EPSTI1: variants seen among roughly 807,000 people sequenced by gnomAD.
EPSTI1 encodes the protein epithelial-stromal interaction protein 1.
In EPSTI1, 66 loss-of-function variants were observed where a neutral mutation model predicts 49.9. The observed-to-expected ratio is 1.32, with a 90% CI of 1.08 to 1.62. The LOEUF (loss-of-function observed/expected upper bound fraction) is 1.62. EPSTI1 is among the 40% of genes most tolerant of loss of function. The probability of loss-of-function intolerance (pLI) is 0.00; values close to 1 mark genes in which losing one functional copy is unlikely to be tolerated. For synonymous variants in EPSTI1, 137 were observed against 130.7 expected, an observed-to-expected ratio of 1.05 and a Z score of -0.33; for missense variants, 394 against 365.5, an observed-to-expected ratio of 1.08 and a Z score of -0.64.
chr13:42,898,100 G>T (rs1373212888), intron 9 of EPSTI1, among the ~76,000 whole-genome samples: 1 of 152,136 alleles, frequency 6.6e-6, no homozygotes, highest in East Asian at 1.9e-4. Flanking sequence ...CAACGGGTTA[G>T]GTGCAGGTGC....
intron 6 of EPSTI1, among the ~76,000 whole-genome samples, chr13:42,942,977 C>T (rs9533312): frequency 0.35 from 53,092 of 151,970 alleles, 9,883 homozygotes; most frequent in African/African-American, 0.45. Context: ...CGTGAGCCAC[C>T]GCGCCCAGCC....
intron 1 of EPSTI1, among the ~76,000 whole-genome samples, chr13:42,985,460 T>C (rs925307069): frequency 6.6e-6 from 1 of 152,220 alleles, no homozygotes; most frequent in Non-Finnish European, 1.5e-5. Context: ...TTATGAGGCA[T>C]ATGTGCATGA....
At chr13:42,917,485 A>T (rs2037862577) in intron 8 of EPSTI1, 56 bp downstream of exon 8, 2 of 1,411,324 alleles carry the variant, frequency 1.4e-6, no homozygotes, top group Non-Finnish European at 2.0e-6. Context: ...ATTCTTCAAA[A>T]TTATCTAGTA....
intron 8 of EPSTI1, among the ~76,000 whole-genome samples, chr13:42,913,528 CTG>C (rs556319015): frequency 1.9e-4 from 29 of 152,264 alleles, no homozygotes; most frequent in African/African-American, 7.0e-4. Context: ...TTGGTCAAAA[CTG>C]TATCACATGT....
chr13:42,910,254 A>T (rs1340726220), intron 8 of EPSTI1, among the ~76,000 whole-genome samples: 1 of 130,022 alleles, frequency 7.7e-6, no homozygotes, highest in Admixed American at 9.2e-5. Context: ...TTTTTAACCA[A>T]ATCTTTTTTT....
intron 3 of EPSTI1, among the ~76,000 whole-genome samples, chr13:42,964,907 G>T (rs1462559127): frequency 1.3e-5 from 2 of 152,100 alleles, no homozygotes; most frequent in African/African-American, 4.8e-5. Flanking sequence ...ATAATTCTCT[G>T]GTGCTTTGGT....
intron 7 of EPSTI1, among the ~76,000 whole-genome samples, chr13:42,918,415 G>T (rs1303456391): frequency 2.6e-5 from 4 of 152,170 alleles, no homozygotes; most frequent in Non-Finnish European, 5.9e-5. Flanking sequence ...GAAATTACAT[G>T]GATCTCATAA....
intron 1 of EPSTI1, among the ~76,000 whole-genome samples, chr13:42,983,105 C>T (rs765097429): frequency 3.3e-5 from 5 of 152,144 alleles, no homozygotes; most frequent in Non-Finnish European, 5.9e-5. Flanking sequence ...AATGGGTATG[C>T]TTTTCTCTTG....
At position 42,958,425 on chromosome 13, in the gene EPSTI1, C is replaced by T. The variant is rs540138618; in HGVS notation, c.490-4404G>A. On this transcript the variant is annotated intron_variant, in intron 5 of 10. Coordinates refer to ENST00000313624, the MANE Select transcript of EPSTI1 (RefSeq NM_033255.5). ...GTGAGAGATTTGAGTAAGATTAAAT[C>T]CTGAGAAAGAAAAACAAAAACAAAA... is the stretch of plus-strand genomic sequence containing the variant. Among the ~76,000 whole-genome samples, 11 of 151,878 alleles carry T rather than the reference C, an allele frequency of 7.2e-5. No homozygotes were observed. In the South Asian group the frequency reaches 2.3e-3, roughly 32 times the overall value.
At position 42,986,744 on chromosome 13, in the gene EPSTI1, C is replaced by CA. The variant is rs71099813; in HGVS notation, c.188+5233dup. Among the ~76,000 whole-genome samples the CA allele has an allele frequency of 7.6e-3, 611 of 80,792 alleles. 75 individuals are homozygous for CA. Among genetic ancestry groups the CA allele is most frequent in the African/African-American group, 0.037 (586 of 15,966 alleles). The allele number at this position is 80,792 out of a possible 152,430, so 53.0% of individuals were successfully genotyped here. A position where few individuals can be genotyped will look rare whatever the true frequency, so the allele number is the denominator to read the frequency against. The stretch of plus-strand genomic sequence containing the variant: ...TGGGTGACACAGCAAGATTCCATCT[C>CA]AAAAAAAAAAAAAAAAAAAAAAAAA... On this transcript the variant is annotated intron_variant, in intron 1 of 10. Transcript: ENST00000313624.
In EPSTI1 at chr13:42,950,759, G is replaced by A. The variant is rs985745728; in HGVS notation, c.563+3189C>T. Among the ~76,000 whole-genome samples the A allele has an allele frequency of 3.3e-5, 5 of 152,158 alleles. No homozygotes were observed. The South Asian group carries it at 1.0e-3, about 31-fold the overall frequency. ...TGGTTTGAAAGAATTTCTTATGTAC[G>A]TTTCTATTTTATGTTCCTTCATTTA... On this transcript the variant is annotated intron_variant, in intron 6 of 10. Transcript: ENST00000313624.
Position 42,958,936 on chromosome 13 carries a change from T to C in EPSTI1, c.489+4319A>G, listed in dbSNP as rs190580535. 2.0e-5 allele frequency among the ~76,000 whole-genome samples: 3 copies of C among 152,334 alleles called. No individual in the cohort carries two copies. The East Asian group carries it at 5.8e-4, about 29-fold the overall frequency. The stretch of plus-strand genomic sequence containing the variant: ...TCATGTGGGTTTAGTAGAAATGAAA[T>C]AATTGAACCCATCCAATTCATGCAT... On this transcript the variant is annotated intron_variant, in intron 5 of 10. Transcript: ENST00000313624.
At chr13:42,986,810 G>C (rs900264626) in intron 1 of EPSTI1, among the ~76,000 whole-genome samples, 3 of 151,324 alleles carry the variant, frequency 2.0e-5, no homozygotes, top group Non-Finnish European at 4.4e-5. Context: ...GGAGAGGCGG[G>C]GGCTGGAGAT....
In EPSTI1 at chr13:42,975,097, T is replaced by G. The variant is rs1025056614; in HGVS notation, c.189-4427A>C. ...GAGATAATCAAAGGCATTTCGATAC[T>G]TATCTTTCCAGATAAGACATTCCAT... On this transcript the variant is annotated intron_variant, in intron 1 of 10. Transcript: ENST00000313624. Among the ~76,000 whole-genome samples the G allele has an allele frequency of 2.6e-5, 4 of 152,230 alleles. No homozygotes were observed. The East Asian group carries it at 7.7e-4, about 29-fold the overall frequency.
At chr13:42,975,974 G>C (rs1448576524) in intron 1 of EPSTI1, among the ~76,000 whole-genome samples, 2 of 152,194 alleles carry the variant, frequency 1.3e-5, no homozygotes, top group East Asian at 3.8e-4. Flanking sequence ...AAAATGTCTT[G>C]TAACTACTTC....
At chr13:42,938,815 T>C (rs2038650421) in intron 6 of EPSTI1, among the ~76,000 whole-genome samples, 1 of 145,076 alleles carries the variant, frequency 6.9e-6, no homozygotes, top group African/African-American at 2.6e-5. Flanking sequence ...CTCAGGAGGC[T>C]GAGGCAGGAG....
At chr13:42,968,386 G>A (rs1400284417) in intron 3 of EPSTI1, among the ~76,000 whole-genome samples, 1 of 152,156 alleles carries the variant, frequency 6.6e-6, no homozygotes, top group Non-Finnish European at 1.5e-5. Flanking sequence ...AGTGGCCCCT[G>A]ACACAAGACA....
rs143796235 is a variant in EPSTI1 at position 42,975,587 on chromosome 13, T to C, written c.189-4917A>G. 6.6e-5 allele frequency among the ~76,000 whole-genome samples: 10 copies of C among 152,340 alleles called. No homozygotes were observed. In the East Asian group the frequency reaches 1.3e-3, roughly 21 times the overall value. ...GAGGCATACACACCCAGGATCCCCA[T>C]GGCTTACTGAGATATTGTAAATTCA... On this transcript the variant is annotated intron_variant, in intron 1 of 10. Transcript: ENST00000313624.
At chr13:42,893,321 C>A (rs116935148) in intron 10 of EPSTI1, among the ~76,000 whole-genome samples, 6 of 152,086 alleles carry the variant, frequency 3.9e-5, no homozygotes, top group East Asian at 1.9e-4. Context: ...AGAACAAAGT[C>A]CCCCAGGAGG....
Sources: gnomAD v4.1 joint callset for allele counts (sites outside exome capture counted in the v4.1 genomes callset) on GRCh38, gnomAD v4.1.1 for gene constraint, MANE v1.5 for transcripts, NCBI Gene and HGNC (gene_info 2026-07-23, HGNC 2026-07-21) for gene names.